MSI2: variants seen among roughly 807,000 people sequenced by gnomAD.
The protein encoded by MSI2 is RNA-binding protein Musashi homolog 2.
A neutral mutation model predicts 45.6 loss-of-function variants in MSI2; 17 were observed. The ratio of observed to expected loss-of-function variants is 0.37; its 90% CI spans 0.26 to 0.56. MSI2 has a LOEUF of 0.56. MSI2 is among the 20% of genes least tolerant of loss of function. The pLI is 0.77. For missense variants in MSI2, 293 were observed against 444.2 expected, an observed-to-expected ratio of 0.66 and a Z score of 3.06; for synonymous variants, 156 against 158.2, an observed-to-expected ratio of 0.99 and a Z score of 0.11.
intron 6 of MSI2, 42 bp downstream of exon 6, chr17:57,401,513 C>T (rs771681376): frequency 3.3e-6 from 5 of 1,507,114 alleles, no homozygotes; most frequent in East Asian, 2.3e-5. Context: ...CCAGAAGTAG[C>T]CTCATCAGTC....
At chr17:57,494,403 G>GAGAC (rs761263107) in intron 6 of MSI2, among the ~76,000 whole-genome samples, 58 of 152,288 alleles carry the variant, frequency 3.8e-4, no homozygotes, top group Admixed American at 7.2e-4. Flanking sequence ...TTGGTGCCAG[G>GAGAC]AGACAGACTG....
rs1828738542 is a variant in MSI2, at chr17:57,529,850, C to T, written c.454+126C>T. 5 of 714,750 alleles carry T rather than the reference C, an allele frequency of 7.0e-6. No individual in the cohort carries two copies. The highest frequency in any genetic ancestry group is 4.9e-4 in the Middle Eastern group (2 of 4,078). The allele number at this position is 714,750 out of a possible 1,614,324, so 44.3% of individuals were successfully genotyped here. A position where few individuals can be genotyped will look rare whatever the true frequency, so the allele number is the denominator to read the frequency against. On this transcript the variant is annotated intron_variant, in intron 7 of 13. Coordinates refer to ENST00000284073, the MANE Select transcript of MSI2 (RefSeq NM_138962.4). The surrounding 1 kb of genome is among the most constrained non-coding windows in gnomAD (Gnocchi z 5.3). ...AGTCAAGCAGGTAGAGGTGACCATCCATTGAAGATCTTTATTCACGGAGAG... is the reference window on the plus strand; with the variant it reads ...AGTCAAGCAGGTAGAGGTGACCATCTATTGAAGATCTTTATTCACGGAGAG...
chr17:57,269,406 A>G (rs550511329), intron 5 of MSI2, among the ~76,000 whole-genome samples: 19 of 152,316 alleles, frequency 1.2e-4, no homozygotes, highest in Non-Finnish European at 2.2e-4. Context: ...TGATAGGACC[A>G]TGGCGGATGC....
At chr17:57,666,878 A>G (rs1420548469) in intron 11 of MSI2, among the ~76,000 whole-genome samples, 2 of 152,232 alleles carry the variant, frequency 1.3e-5, no homozygotes, top group Non-Finnish European at 2.9e-5. Flanking sequence ...AGTGTGCTTC[A>G]AAGACAGAGG....
intron 8 of MSI2, among the ~76,000 whole-genome samples, chr17:57,598,954 T>G (rs1905549764): frequency 6.6e-6 from 1 of 152,238 alleles, no homozygotes; most frequent in Non-Finnish European, 1.5e-5. Flanking sequence ...TGAGCCACTG[T>G]GCCCGACCAG....
At chr17:57,426,764 C>T (rs924699022) in intron 6 of MSI2, among the ~76,000 whole-genome samples, 2 of 152,214 alleles carry the variant, frequency 1.3e-5, no homozygotes, top group African/African-American at 4.8e-5. Flanking sequence ...TTACCTTTTA[C>T]ATCTGCATTT....
intron 5 of MSI2, among the ~76,000 whole-genome samples, chr17:57,282,116 G>T (rs568698694): frequency 7.2e-4 from 109 of 152,262 alleles, no homozygotes; most frequent in Middle Eastern, 6.8e-3. Context: ...GTGTACCCTT[G>T]CTTTATGACC....
At chr17:57,449,536 T>A (rs558364321) in intron 6 of MSI2, 1 of 152,312 alleles carries the variant, frequency 6.6e-6, no homozygotes, top group East Asian at 1.9e-4. Context: ...TTATTGTTTT[T>A]CCCCAAGGCT....
At chr17:57,308,025 G>T (rs891207898) in intron 5 of MSI2, among the ~76,000 whole-genome samples, 2 of 152,160 alleles carry the variant, frequency 1.3e-5, no homozygotes, top group African/African-American at 4.8e-5. Flanking sequence ...ATGAATGAAG[G>T]CATCTGTACT....
chr17:57,507,402 C>T (rs530224281), intron 6 of MSI2, among the ~76,000 whole-genome samples: 12 of 152,048 alleles, frequency 7.9e-5, no homozygotes, highest in Non-Finnish European at 1.3e-4. Context: ...CTTTGCTCTG[C>T]GCAGTTTCAA....
chr17:57,467,329 T>C (rs2085346705), intron 6 of MSI2, among the ~76,000 whole-genome samples: 1 of 151,352 alleles, frequency 6.6e-6, no homozygotes, highest in Non-Finnish European at 1.5e-5. Context: ...ATTGGATGGA[T>C]GGAAAAAAGG....
chr17:57,508,821 C>T (rs1445318415), intron 6 of MSI2, among the ~76,000 whole-genome samples: 1 of 152,204 alleles, frequency 6.6e-6, no homozygotes, highest in African/African-American at 2.4e-5. Flanking sequence ...GAGGCTTGCA[C>T]CTGGCTGGAT....
At position 57,372,214 on chromosome 17, in the gene MSI2, A is replaced by C. The variant is rs1022777620; in HGVS notation, c.313-29165A>C. 2.0e-5 allele frequency among the ~76,000 whole-genome samples: 3 copies of C among 152,178 alleles called. No homozygotes were observed. In the South Asian group the frequency reaches 6.2e-4, roughly 32 times the overall value. Reference sequence around the variant, plus strand: ...CAGCCCTCTTCAGTGTAGTTTGGCAAAGCTCTCTCTTTCGGGTTTATTTGT... The same window carrying C: ...CAGCCCTCTTCAGTGTAGTTTGGCACAGCTCTCTCTTTCGGGTTTATTTGT... On this transcript the variant is annotated intron_variant, in intron 5 of 13. Coordinates refer to ENST00000284073, the MANE Select transcript of MSI2 (RefSeq NM_138962.4).
intron 6 of MSI2, among the ~76,000 whole-genome samples, chr17:57,421,523 T>C (rs1162318854): frequency 6.2e-5 from 9 of 145,608 alleles, no homozygotes; most frequent in African/African-American, 7.3e-5. Flanking sequence ...TCTCCCTCTG[T>C]CCCTCCTCCC....
chr17:57,392,941 A>G (rs9890983), intron 5 of MSI2, among the ~76,000 whole-genome samples: 31,396 of 151,996 alleles, frequency 0.21, 3,340 homozygotes, highest in African/African-American at 0.25. Context: ...GTGCAATTCA[A>G]TGGATTTTAG....
In MSI2 at chr17:57,328,976, G is replaced by A. The variant is rs142343465; in HGVS notation, c.312+66784G>A. 8.1e-4 allele frequency among the ~76,000 whole-genome samples: 124 copies of A among 152,272 alleles called. No homozygotes were observed. The Middle Eastern group carries it at 0.01, about 13-fold the overall frequency. ...TTAATATTTGTGAATGATTAAGAAA[G>A]TAGATCTCTTGGGAGGCTGAGGCAG... On this transcript the variant is annotated intron_variant, in intron 5 of 13. Transcript: ENST00000284073.
chr17:57,358,686 A>C (rs1395994586), intron 5 of MSI2, among the ~76,000 whole-genome samples: 1 of 152,194 alleles, frequency 6.6e-6, no homozygotes, highest in Non-Finnish European at 1.5e-5. Context: ...AATTCCATGA[A>C]AACCATAAGT....
chr17:57,276,696 T>G (rs1340500585), intron 5 of MSI2, among the ~76,000 whole-genome samples: 1 of 152,236 alleles, frequency 6.6e-6, no homozygotes, highest in Admixed American at 6.5e-5. Context: ...TCAGTTTCCT[T>G]TTTTGTAAGT....
At chr17:57,661,614 G>A (rs1911998049) in intron 11 of MSI2, among the ~76,000 whole-genome samples, 1 of 152,148 alleles carries the variant, frequency 6.6e-6, no homozygotes, top group Non-Finnish European at 1.5e-5. Flanking sequence ...CAAGGGGTGT[G>A]GAGTGAGAGG....
Sources: gnomAD v4.1 joint callset for allele counts (sites outside exome capture counted in the v4.1 genomes callset) on GRCh38, gnomAD v4.1.1 for gene constraint, Gnocchi (gnomAD v3.1) non-coding constraint, MANE v1.5 for transcripts, NCBI Gene and HGNC (gene_info 2026-07-23, HGNC 2026-07-21) for gene names.